The following MITD1 variants were observed in gnomAD, a reference collection of about 807,000 sequenced individuals.
The protein encoded by MITD1 is microtubule interacting and trafficking domain containing 1, also known as MIT domain-containing protein 1.
MITD1 carries 24 observed loss-of-function variants against 34.9 expected under a neutral mutation model. That is an observed-to-expected ratio of 0.69 (90% CI 0.50 to 0.97). MITD1 has a LOEUF of 0.97. MITD1 is among the 50% of genes least tolerant of loss of function. The probability of loss-of-function intolerance (pLI) is 0.00; values close to 1 mark genes in which losing one functional copy is unlikely to be tolerated. For synonymous variants in MITD1, 102 were observed against 101.4 expected, an observed-to-expected ratio of 1.01 and a Z score of -0.04; for missense variants, 266 against 294.6, an observed-to-expected ratio of 0.90 and a Z score of 0.71.
chr2:99,175,772 T>C (rs1448707250), intron 1 of MITD1, among the ~76,000 whole-genome samples: 2 of 152,352 alleles, frequency 1.3e-5, no homozygotes, highest in African/African-American at 4.8e-5. Flanking sequence ...TTAAATAGTA[T>C]GGGCTCAGGG....
chr2:99,167,577 C>T (rs932289752), downstream of MITD1, among the ~76,000 whole-genome samples: 4 of 152,094 alleles, frequency 2.6e-5, no homozygotes, highest in African/African-American at 7.2e-5. Context: ...TCCATAGTAA[C>T]GATTCATATG....
Position 99,171,418 on chromosome 2 carries a change from A to T in MITD1, c.402T>A (p.Phe134Leu). 6.2e-7 allele frequency: 1 copy of T among 1,611,518 alleles called. No homozygotes were observed. Among genetic ancestry groups the T allele is most frequent in the Non-Finnish European group, 8.5e-7 (1 of 1,178,104 alleles). Residue 134 changes from phenylalanine (F) to leucine (L), a missense_variant, in exon 4 of 7, where the codon TTT (phenylalanine) becomes TTA (leucine). Coordinates refer to ENST00000289359, the MANE Select transcript of MITD1 (RefSeq NM_138798.3). ...YIRHTHQLYNFLRFCEMLIKR... is the reference protein window; with the variant it reads ...YIRHTHQLYNLLRFCEMLIKR... ...TAATAAGCATCTCACAAAATCGAAG[A>T]AAGTTATACAGCTAAAAGACATTAG...
chr2:99,163,178 T>TAAA, intron 7 of MITD1: 14 of 501,654 alleles, frequency 2.8e-5, no homozygotes, highest in East Asian at 1.5e-4. Context: ...TTTAGTAACG[T>TAAA]CAAAAAAAAA....
In MITD1 at chr2:99,170,633, T is replaced by C; in HGVS notation, c.497A>G (p.Gln166Arg). ...TTCTATTTCTTGCAGGCCTCTACTT[T>C]GCTGCACTTGCTCAATGCCCTGTTA... ...SLDEGIEQVQ[Q>R]SRGLQEIEES... The change falls in exon 5 of 7, where the codon CAA becomes CGA. Residue 166 changes from glutamine (Q) to arginine (R), a missense_variant. Gln to Arg is a conservative substitution (Grantham distance 43). Coordinates refer to ENST00000289359, the MANE Select transcript of MITD1 (RefSeq NM_138798.3). 6.3e-7 allele frequency: 1 copy of C among 1,594,966 alleles called. No homozygotes were observed. Among genetic ancestry groups the C allele is most frequent in the South Asian group, 1.1e-5 (1 of 90,282 alleles).
rs370703752 is a variant in MITD1 at position 99,169,628 on chromosome 2, T to C, written c.594-18A>G. ...TGTTGAACCTGTTGAAATTAGTATA[T>C]AGTATTATATTCAAGACATTTAAGT... is the stretch of plus-strand genomic sequence containing the variant. On this transcript the variant is annotated intron_variant, in intron 5 of 6. Coordinates refer to ENST00000289359, the MANE Select transcript of MITD1 (RefSeq NM_138798.3). 4.4e-5 allele frequency: 69 copies of C among 1,559,534 alleles called. No individual in the cohort carries two copies. The highest frequency in any genetic ancestry group is 5.6e-5 in the Non-Finnish European group (63 of 1,130,948).
chr2:99,165,738 T>C (rs1027066260), downstream of MITD1, among the ~76,000 whole-genome samples: 3 of 152,182 alleles, frequency 2.0e-5, no homozygotes, highest in African/African-American at 7.2e-5. Flanking sequence ...ACTATACTCT[T>C]TGCTGGCCTT....
At chr2:99,162,740 C>A (rs764480638) in intron 7 of MITD1, 2 of 1,614,104 alleles carry the variant, frequency 1.2e-6, no homozygotes, top group Non-Finnish European at 1.7e-6. Context: ...GAATAAATAG[C>A]AAAGCCAAAG....
At chr2:99,173,496 T>C (rs1210842008) in intron 2 of MITD1, 1 of 469,992 alleles carries the variant, frequency 2.1e-6, no homozygotes, top group East Asian at 6.9e-5. Context: ...AGGAGTTTCT[T>C]TAGCTTCTTT....
rs76108551 is a variant in MITD1 at position 99,175,253 on chromosome 2, A to C, written c.152-1237T>G. Among the ~76,000 whole-genome samples the C allele has an allele frequency of 1.1e-3, 165 of 152,300 alleles. 1 individual carries two copies. The East Asian group carries it at 0.029, about 27-fold the overall frequency. ...AATTTCACCAATTTTCCCACTAATG[A>C]AAGTTTGCTTTCTGGTCCAGGATCC... On this transcript the variant is annotated intron_variant, in intron 1 of 6. Transcript: ENST00000289359.
downstream of MITD1, among the ~76,000 whole-genome samples, chr2:99,165,027 C>CAA (rs2093820413): frequency 1.6e-5 from 1 of 63,408 alleles, no homozygotes; most frequent in Non-Finnish European, 3.8e-5. Context: ...CATACACACA[C>CAA]ACACACACAC....
At chr2:99,165,019 T>TACACACACACACACAC (rs56958044), downstream of MITD1, among the ~76,000 whole-genome samples, 42 of 136,758 alleles carry the variant, frequency 3.1e-4, no homozygotes, top group African/African-American at 1.1e-3. Context: ...CAAAATGGCA[T>TACACACACACACACAC]ACACACACAC....
chr2:99,162,215 G>A, exon 8 of MITD1: 1 of 1,614,024 alleles, frequency 6.2e-7, no homozygotes, highest in Non-Finnish European at 8.5e-7. Context: ...AATGTAACCT[G>A]AATCTAATGA....
chr2:99,176,683 T>TGC (rs1466301378), intron 1 of MITD1, among the ~76,000 whole-genome samples: 2 of 146,298 alleles, frequency 1.4e-5, no homozygotes, highest in African/African-American at 5.0e-5. Context: ...CGTGTGTGTG[T>TGC]GCGCGTGTGT....
intron 2 of MITD1, 161 bp downstream of exon 2, chr2:99,173,754 A>G (rs1373218504): frequency 4.6e-6 from 3 of 647,436 alleles, no homozygotes; most frequent in Middle Eastern, 2.5e-4. Flanking sequence ...AAAATTAAGA[A>G]CAACTCCTGT....
chr2:99,171,576 G>T lies in MITD1; in HGVS notation c.324C>A (p.Arg108=), dbSNP rs147104345. The T allele has an allele frequency of 1.9e-6, 3 of 1,611,990 alleles. No individual in the cohort carries two copies. The highest frequency in any genetic ancestry group is 2.5e-6 in the Non-Finnish European group (3 of 1,178,554). Residue 108 remains arginine (R), a synonymous_variant, in exon 3 of 7, where the codon CGC becomes CGA. Coordinates refer to ENST00000289359, the MANE Select transcript of MITD1 (RefSeq NM_138798.3). ...CTGTAACTGTCTCATTAAGGTATTC[G>T]CGAAAAAGTGACTCATAACTGAAAC... The part of the protein sequence containing the change: ...ATGFSYESLF[R]EYLNETVTEV...
At chr2:99,175,771 A>G (rs2093883374) in intron 1 of MITD1, among the ~76,000 whole-genome samples, 1 of 152,160 alleles carries the variant, frequency 6.6e-6, no homozygotes, top group Non-Finnish European at 1.5e-5. Context: ...ATTAAATAGT[A>G]TGGGCTCAGG....
chr2:99,165,061 C>CACACACACACACACATATAT (rs370053233), downstream of MITD1, among the ~76,000 whole-genome samples: 3 of 135,192 alleles, frequency 2.2e-5, no homozygotes, highest in African/African-American at 8.5e-5. Context: ...CACACACACA[C>CACACACACACACACATATAT]ATATATATAT....
intron 1 of MITD1, among the ~76,000 whole-genome samples, chr2:99,180,009 G>T (rs952994345): frequency 5.3e-5 from 8 of 152,148 alleles, no homozygotes; most frequent in African/African-American, 1.9e-4. Context: ...GTCGGGGGTT[G>T]GGGAGCAGGA....
At position 99,170,625 on chromosome 2, in the gene MITD1, C is replaced by T; in HGVS notation, c.505G>A (p.Gly169Ser). ...EGIEQVQQSRGLQEIEESLRS... is the reference protein window; with the variant it reads ...EGIEQVQQSRSLQEIEESLRS... ...AGTGACTCTTCTATTTCTTGCAGGC[C>T]TCTACTTTGCTGCACTTGCTCAATG... Residue 169 changes from glycine to serine, a missense_variant, in exon 5 of 7, where the codon GGC (glycine) becomes AGC (serine). By Grantham distance (56) the Gly-to-Ser change is moderately conservative. Transcript: ENST00000289359. 1 of 1,604,476 alleles carries T rather than the reference C, an allele frequency of 6.2e-7. No individual in the cohort carries two copies. The highest frequency in any genetic ancestry group is 8.5e-7 in the Non-Finnish European group (1 of 1,172,170).
Sources: gnomAD v4.1 joint callset for allele counts (sites outside exome capture counted in the v4.1 genomes callset) on GRCh38, gnomAD v4.1.1 for gene constraint, MANE v1.5 for transcripts, NCBI Gene and HGNC (gene_info 2026-07-23, HGNC 2026-07-21) for gene names.